The following ZC3HAV1 variants were observed in gnomAD, a reference collection of about 807,000 sequenced individuals.
ZC3HAV1 encodes zinc finger CCCH-type antiviral protein 1.
Under a neutral mutation model 86.6 loss-of-function variants are expected in ZC3HAV1, and 41 were observed. That is an observed-to-expected ratio of 0.47 (90% confidence interval 0.37 to 0.61). The LOEUF is 0.61. Among genes scored for constraint, ZC3HAV1 ranks in the 20% least tolerant of loss-of-function variants. ZC3HAV1 has a pLI of 0.00. For synonymous variants in ZC3HAV1, 421 were observed against 432.1 expected (o/e 0.97, Z 0.32); for missense variants, 964 against 1,141.1 (o/e 0.84, Z 2.24).
chr7:139,100,534 A>C (rs1817719627), intron 1 of ZC3HAV1, among the ~76,000 whole-genome samples: 1 of 146,692 alleles, frequency 6.8e-6, no homozygotes, highest in African/African-American at 2.5e-5. Context: ...GCTCTGTCTC[A>C]AAAAAAAACA....
chr7:139,084,722 C>T (rs1817227690), intron 2 of ZC3HAV1, among the ~76,000 whole-genome samples: 1 of 152,184 alleles, frequency 6.6e-6, no homozygotes, highest in South Asian at 2.1e-4. Flanking sequence ...GTTCTGTCTA[C>T]AAAAACCAAG....
Position 139,047,365 on chromosome 7 carries a change from C to G in ZC3HAV1, c.*229G>C, listed in dbSNP as rs990546045. 1 of 508,076 alleles carries G rather than the reference C, an allele frequency of 2.0e-6. No homozygotes were observed. Among genetic ancestry groups the G allele is most frequent in the South Asian group, 2.5e-5 (1 of 39,730 alleles). 31.5% of individuals were successfully genotyped at this position (508,076 alleles called of 1,614,324 possible). A position where few individuals can be genotyped will look rare whatever the true frequency, so the allele number is the denominator to read the frequency against. On this transcript the variant is annotated 3_prime_UTR_variant, in exon 13 of 13. Coordinates refer to ENST00000242351, the MANE Select transcript of ZC3HAV1 (RefSeq NM_020119.4). ...AAAAAAAAAAAATACAACTGCCTGG[C>G]GCTGACGCCCAGAAATGATTTCATT...
chr7:139,056,514 T>A (rs966057902), intron 9 of ZC3HAV1, among the ~76,000 whole-genome samples: 2 of 149,824 alleles, frequency 1.3e-5, no homozygotes, highest in Non-Finnish European at 3.0e-5. Flanking sequence ...TCCTCCCACC[T>A]CAACCTCTTG....
intron 7 of ZC3HAV1, among the ~76,000 whole-genome samples, chr7:139,066,913 C>G (rs1269127082): frequency 6.6e-6 from 1 of 152,154 alleles, no homozygotes; most frequent in African/African-American, 2.4e-5. Context: ...CCCCAGAGAT[C>G]ATATTAAAGT....
chr7:139,087,112 G>A (rs573663528), intron 2 of ZC3HAV1, among the ~76,000 whole-genome samples: 117 of 152,228 alleles, frequency 7.7e-4, no homozygotes, highest in Admixed American at 2.7e-3. Context: ...AAGCCTCCGG[G>A]TTAACACTAG....
At chr7:139,083,076 C>T (rs1037340556) in intron 3 of ZC3HAV1, among the ~76,000 whole-genome samples, 5 of 143,640 alleles carry the variant, frequency 3.5e-5, no homozygotes, top group East Asian at 2.3e-4. Context: ...AAATGTTCTA[C>T]GTGTGTGTGA....
chr7:139,054,991 T>C (rs750617330), intron 10 of ZC3HAV1, among the ~76,000 whole-genome samples: 1 of 152,116 alleles, frequency 6.6e-6, no homozygotes, highest in Non-Finnish European at 1.5e-5. Context: ...GGTTTCACCG[T>C]GTTGTCCAGG....
rs559759408 is a variant in ZC3HAV1, at chr7:139,079,625, A to G, written c.1316T>C (p.Ile439Thr). 6.5e-5 allele frequency: 105 copies of G among 1,614,002 alleles called. No individual in the cohort carries two copies. The South Asian group carries it at 1.0e-3, about 16-fold the overall frequency. Residue 439 changes from isoleucine (I) to threonine (T), a missense_variant, in exon 4 of 13, where the codon ATA (isoleucine) becomes ACA (threonine). Ile to Thr is a moderately conservative substitution (Grantham distance 89, BLOSUM62 -1). Transcript: ENST00000242351. Reference protein sequence around the residue: ...NNNADGVATDITSTRSLNYKS... With the variant: ...NNNADGVATDTTSTRSLNYKS... The stretch of plus-strand genomic sequence containing the variant: ...GTAATTTAAGGATCTGGTAGAAGTT[A>G]TATCTGTGGCCACTCCATCAGCATT...
At chr7:139,083,315 T>C (rs146713187) in intron 3 of ZC3HAV1, among the ~76,000 whole-genome samples, 4 of 152,214 alleles carry the variant, frequency 2.6e-5, no homozygotes, top group African/African-American at 9.6e-5. Context: ...ACCATTATAA[T>C]TATGTAAAAA....
chr7:139,064,982 A>G lies in ZC3HAV1; in HGVS notation c.1890T>C (p.Asn630=), dbSNP rs531212366. ...CCAGGTATGAAGAGTCGACGTTTGAATTTTTCCGTTTGTCTTTCTAATTGG... is the reference window on the plus strand; with the variant it reads ...CCAGGTATGAAGAGTCGACGTTTGAGTTTTTCCGTTTGTCTTTCTAATTGG... ...QYGEEKDKRK[N]SNVDSSYLES... The change falls in exon 8 of 13, where the codon AAT becomes AAC. Residue 630 remains asparagine (N), a synonymous_variant. Transcript: ENST00000242351. The G allele has an allele frequency of 3.1e-6, 5 of 1,613,916 alleles. No homozygotes were observed. The East Asian group carries it at 1.1e-4, about 36-fold the overall frequency.
Position 139,108,980 on chromosome 7 carries a change from C to G in ZC3HAV1, c.308+44G>C, listed in dbSNP as rs770893830. 4.7e-6 allele frequency: 7 copies of G among 1,500,776 alleles called. No individual in the cohort carries two copies. Among genetic ancestry groups the G allele is most frequent in the Admixed American group, 4.1e-5 (2 of 48,984 alleles). 93.0% of individuals were successfully genotyped at this position (1,500,776 alleles called of 1,614,324 possible). A position where few individuals can be genotyped will look rare whatever the true frequency, so the allele number is the denominator to read the frequency against. ...CATTGCCCGCCTGGACAGTCCACCC[C>G]GACCACGGCTGCGGACAGCGCCCCT... On this transcript the variant is annotated intron_variant, in intron 1 of 12. Transcript: ENST00000242351. This position sits in a 1 kb window ranked among gnomAD's most constrained non-coding sequence, Gnocchi z 4.2.
chr7:139,097,943 C>A (rs887739541), intron 1 of ZC3HAV1, among the ~76,000 whole-genome samples: 1 of 151,392 alleles, frequency 6.6e-6, no homozygotes, highest in Non-Finnish European at 1.5e-5. Flanking sequence ...AAACCATACA[C>A]ATTATTTACC....
In ZC3HAV1 at chr7:139,045,239, G is replaced by A. The variant is rs1312785551; in HGVS notation, c.*2355C>T. 6.6e-6 allele frequency: 1 copy of A among 152,006 alleles called. No individual in the cohort carries two copies. Among genetic ancestry groups the A allele is most frequent in the African/African-American group, 2.4e-5 (1 of 41,366 alleles). The allele number at this position is 152,006 out of a possible 1,614,324, so 9.4% of individuals were successfully genotyped here. On this transcript the variant is annotated 3_prime_UTR_variant, in exon 13 of 13. Transcript: ENST00000242351. The stretch of plus-strand genomic sequence containing the variant: ...TCTATTTGTCGTTTAGAAAAAAAAA[G>A]GCAGAAATGCCCATTGAAAACCACT...
intron 1 of ZC3HAV1, among the ~76,000 whole-genome samples, chr7:139,101,073 A>G (rs1249614734): frequency 2.0e-5 from 3 of 152,164 alleles, no homozygotes; most frequent in Non-Finnish European, 2.9e-5. Flanking sequence ...TCCAGCTCCT[A>G]ACCGCGAGTG....
chr7:139,051,348 C>T (rs769234904), intron 12 of ZC3HAV1, among the ~76,000 whole-genome samples: 2 of 151,824 alleles, frequency 1.3e-5, no homozygotes, highest in African/African-American at 2.4e-5. Context: ...GAAGCTGCCG[C>T]GCCTGACCTG....
intron 8 of ZC3HAV1, among the ~76,000 whole-genome samples, chr7:139,063,328 C>T (rs1243097699): frequency 1.3e-5 from 2 of 152,068 alleles, no homozygotes; most frequent in Non-Finnish European, 2.9e-5. Flanking sequence ...ATCTTCCAGT[C>T]GGCCCACATG....
intron 5 of ZC3HAV1, 113 bp downstream of exon 5, chr7:139,078,439 A>T: frequency 1.3e-6 from 1 of 769,552 alleles, no homozygotes; most frequent in Non-Finnish European, 2.1e-6. Flanking sequence ...GTATATATCC[A>T]AAAGAATTGA....
intron 2 of ZC3HAV1, among the ~76,000 whole-genome samples, chr7:139,087,305 C>T (rs1817297477): frequency 6.6e-6 from 1 of 151,940 alleles, no homozygotes; most frequent in Admixed American, 6.6e-5. Flanking sequence ...GTACCTAGGC[C>T]AAGGGCCATA....
Position 139,079,499 on chromosome 7 carries a change from T to G in ZC3HAV1, c.1442A>C (p.Asp481Ala), listed in dbSNP as rs78353839. 2.1e-3 allele frequency: 3,348 copies of G among 1,614,160 alleles called. 62 individuals carry two copies. In the African/African-American group the frequency reaches 0.039, roughly 19 times the overall value. ...DVQATGRIAD[D>A]ADPRVALVND... ...AACAAGTGCTACTCTTGGGTCAGCA[T>G]CATCTGCGATTCTGCCAGTGGCCTG... The change falls in exon 4 of 13, where the codon GAT (aspartate) becomes GCT (alanine). Residue 481 changes from aspartate to alanine, a missense_variant. Transcript: ENST00000242351.
Sources: gnomAD v4.1 joint callset for allele counts (sites outside exome capture counted in the v4.1 genomes callset) on GRCh38, gnomAD v4.1.1 for gene constraint, Gnocchi (gnomAD v3.1) non-coding constraint, MANE v1.5 for transcripts, NCBI Gene and HGNC (gene_info 2026-07-23, HGNC 2026-07-21) for gene names.